The following MTFR2 variants were observed in gnomAD, a reference collection of about 807,000 sequenced individuals.
MTFR2 encodes mitochondrial fission regulator 2.
In MTFR2, 44 loss-of-function variants were observed where a neutral mutation model predicts 41.2. The ratio of observed to expected loss-of-function variants is 1.07; its 90% CI spans 0.84 to 1.37. The LOEUF (loss-of-function observed/expected upper bound fraction) is 1.37, where lower values mean the gene tolerates loss of function less well. Among genes scored for constraint, MTFR2 ranks in the 40% most tolerant of loss-of-function variants. The pLI, the probability that MTFR2 is intolerant of heterozygous loss-of-function variation, is 0.00. For synonymous variants in MTFR2, 141 were observed against 154.6 expected, an observed-to-expected ratio of 0.91 and a Z score of 0.65; for missense variants, 452 against 459.5, an observed-to-expected ratio of 0.98 and a Z score of 0.15.
chr6:136,235,809 G>C (rs1414827010), intron 6 of MTFR2, among the ~76,000 whole-genome samples: 2 of 152,210 alleles, frequency 1.3e-5, no homozygotes, highest in Admixed American at 1.3e-4. Context: ...GCACATGCCT[G>C]TAGTCCCAGC....
At chr6:136,247,634 G>A (rs190796705) in intron 2 of MTFR2, 16 of 433,386 alleles carry the variant, frequency 3.7e-5, no homozygotes, top group East Asian at 3.5e-4. Context: ...CTTTTCACAA[G>A]CAAACTTTTC....
intron 5 of MTFR2, among the ~76,000 whole-genome samples, chr6:136,240,477 TA>T (rs1235614724): frequency 2.0e-5 from 3 of 152,078 alleles, no homozygotes; most frequent in African/African-American, 7.2e-5. Flanking sequence ...ACATATGTAT[TA>T]AAAAATTTTT....
chr6:136,249,646 C>T (rs190487916), intron 1 of MTFR2, among the ~76,000 whole-genome samples: 13 of 152,226 alleles, frequency 8.5e-5, no homozygotes, highest in Non-Finnish European at 1.2e-4. Context: ...GGGCAGCTTC[C>T]CCCATACTAT....
Position 136,239,625 on chromosome 6 carries a change from C to A in MTFR2, c.710G>T (p.Cys237Phe). The change falls in exon 6 of 8, where the codon TGT (cysteine) becomes TTT (phenylalanine). Residue 237 changes from cysteine (C) to phenylalanine (F), a missense_variant. Transcript: ENST00000420702. Reference sequence around the variant, plus strand: ...TTCAGTTGCTGGATTATCTGAGTCACAAATATTATTAGATCCTGGTTGTAC... The same window carrying A: ...TTCAGTTGCTGGATTATCTGAGTCAAAAATATTATTAGATCCTGGTTGTAC... ...PPVQPGSNNICDSDNPATEMS... is the reference protein window; with the variant it reads ...PPVQPGSNNIFDSDNPATEMS... 6.2e-7 allele frequency: 1 copy of A among 1,613,992 alleles called. No individual in the cohort carries two copies. Among genetic ancestry groups the A allele is most frequent in the Non-Finnish European group, 8.5e-7 (1 of 1,180,020 alleles).
rs1346055950 is a variant in MTFR2 at position 136,241,606 on chromosome 6, G to A, written c.352C>T (p.Leu118=). ...FHPLRLVRDP[L]SPAVRQKETV... is the part of the protein sequence containing the mutation. ...TCTTTCTGTCTTACAGCAGGTGACAGTGGATCCCGAACTAGTCGCAAAGGA... is the reference window on the plus strand; with the variant it reads ...TCTTTCTGTCTTACAGCAGGTGACAATGGATCCCGAACTAGTCGCAAAGGA... The change falls in exon 5 of 8, where the codon CTG becomes TTG. Residue 118 remains leucine, a synonymous_variant. Transcript: ENST00000420702. 1 of 1,614,168 alleles carries A rather than the reference G, an allele frequency of 6.2e-7. No homozygotes were observed.
At chr6:136,241,311 A>G in intron 5 of MTFR2, 133 bp downstream of exon 5, 1 of 652,250 alleles carries the variant, frequency 1.5e-6, no homozygotes, top group Non-Finnish European at 2.6e-6. Context: ...TCAGAATTGT[A>G]CTCACTTAAA....
intron 6 of MTFR2, among the ~76,000 whole-genome samples, chr6:136,235,768 C>CT (rs1163786531): frequency 6.6e-6 from 1 of 152,158 alleles, no homozygotes. Context: ...CCTATCTCTA[C>CT]TAAAAATACA....
chr6:136,233,488 C>T lies in MTFR2; in HGVS notation c.881G>A (p.Gly294Asp). The T allele has an allele frequency of 6.7e-7, 1 of 1,498,480 alleles. No individual in the cohort carries two copies. The highest frequency in any genetic ancestry group is 2.1e-4 in the Middle Eastern group (1 of 4,776). 92.8% of individuals were successfully genotyped at this position (1,498,480 alleles called of 1,614,324 possible). ...TCTTTTCCTCTTATGAATGGGTCTA[C>T]CGCCAGGTGACCTATTTTTTAAAAA... ...KLRAIERSPG[G>D]RPIHKRKRQN... Residue 294 changes from glycine to aspartate, a missense_variant, in exon 7 of 8, where the codon GGT becomes GAT. Gly to Asp is a moderately conservative substitution (Grantham distance 94). Coordinates refer to ENST00000420702, the MANE Select transcript of MTFR2 (RefSeq NM_001099286.3).
intron 6 of MTFR2, among the ~76,000 whole-genome samples, chr6:136,238,398 G>A (rs182965993): frequency 1.3e-5 from 2 of 152,030 alleles, no homozygotes; most frequent in African/African-American, 2.4e-5. Context: ...CACTTGAGCC[G>A]AGTTCAAGAC....
chr6:136,239,161 A>ATG (rs1287729848), intron 6 of MTFR2, among the ~76,000 whole-genome samples: 1 of 152,062 alleles, frequency 6.6e-6, no homozygotes, highest in African/African-American at 2.4e-5. Context: ...ACGTGGCAAG[A>ATG]TGTGTGTGTG....
chr6:136,244,989 G>A, intron 2 of MTFR2, 120 bp from the exon 3 acceptor site: 1 of 627,956 alleles, frequency 1.6e-6, no homozygotes, highest in Non-Finnish European at 2.7e-6. Flanking sequence ...TTTTAATACA[G>A]GGAGTCCTGT....
At chr6:136,235,938 A>C (rs1403039359) in intron 6 of MTFR2, among the ~76,000 whole-genome samples, 1 of 152,106 alleles carries the variant, frequency 6.6e-6, no homozygotes, top group African/African-American at 2.4e-5. Context: ...CTCAAAAAAA[A>C]AAAGAAAGTG....
intron 2 of MTFR2, chr6:136,247,656 G>C: frequency 2.4e-6 from 1 of 419,058 alleles, no homozygotes; most frequent in East Asian, 7.0e-5. Flanking sequence ...AAAGAAGGTT[G>C]CTGATCCCAC....
intron 2 of MTFR2, 70 bp from the exon 3 acceptor site, chr6:136,244,939 G>A: frequency 8.3e-7 from 1 of 1,206,276 alleles, no homozygotes; most frequent in Non-Finnish European, 1.1e-6. Flanking sequence ...ATGAAAAAAG[G>A]AGATGTAAAA....
Position 136,241,483 on chromosome 6 carries a change from T to C in MTFR2, c.475A>G (p.Ile159Val), listed in dbSNP as rs1320728462. The change falls in exon 5 of 8, where the codon ATT becomes GTT. Residue 159 changes from isoleucine to valine, a missense_variant. Coordinates refer to ENST00000420702, the MANE Select transcript of MTFR2 (RefSeq NM_001099286.3). ...TTTTTCAGTTCCTGCATTTCCACAA[T>C]TGCTGCAATCTGAGAGCGAAGAAAA... Reference protein sequence around the residue: ...LTFLRSQIAAIVEMQELKNST... With the variant: ...LTFLRSQIAAVVEMQELKNST... The C allele has an allele frequency of 1.2e-6, 2 of 1,613,928 alleles. No homozygotes were observed. The highest frequency in any genetic ancestry group is 2.7e-5 in the African/African-American group (2 of 74,936).
At chr6:136,231,509 A>AT in intron 7 of MTFR2, 121 bp from the exon 8 acceptor site, 1 of 638,436 alleles carries the variant, frequency 1.6e-6, no homozygotes, top group Non-Finnish European at 2.7e-6. Context: ...TACCGTATTT[A>AT]TTACTATAAT....
intron 7 of MTFR2, chr6:136,233,081 A>C (rs372851060): frequency 2.8e-5 from 9 of 318,248 alleles, no homozygotes; most frequent in African/African-American, 1.1e-4. Context: ...AAGTCATTAT[A>C]AACATATGCA....
intron 6 of MTFR2, among the ~76,000 whole-genome samples, chr6:136,238,593 A>C (rs749044338): frequency 6.6e-6 from 1 of 152,144 alleles, no homozygotes. Flanking sequence ...AGCTCTAGAG[A>C]TCTGTTGTAC....
At chr6:136,238,332 GAC>G (rs1779959267) in intron 6 of MTFR2, among the ~76,000 whole-genome samples, 1 of 152,212 alleles carries the variant, frequency 6.6e-6, no homozygotes, top group Admixed American at 6.5e-5. Context: ...AACTGGGCCA[GAC>G]ACAGTGGCTC....
Sources: gnomAD v4.1 joint callset for allele counts (sites outside exome capture counted in the v4.1 genomes callset) on GRCh38, gnomAD v4.1.1 for gene constraint, MANE v1.5 for transcripts, NCBI Gene and HGNC (gene_info 2026-07-23, HGNC 2026-07-21) for gene names.